MANBAL: variants seen among roughly 807,000 people sequenced by gnomAD.
MANBAL encodes the protein mannosidase beta like.
Under a neutral mutation model 6.4 loss-of-function variants are expected in MANBAL, and 1 was observed. That is an observed-to-expected ratio of 0.16 (90% CI 0.06 to 0.74). The LOEUF is 0.74. Among genes scored for constraint, MANBAL ranks in the 30% least tolerant of loss-of-function variants. The probability of loss-of-function intolerance (pLI) is 0.78; values close to 1 mark genes in which losing one functional copy is unlikely to be tolerated. For missense variants in MANBAL, 100 were observed against 107.8 expected, an observed-to-expected ratio of 0.93 and a Z score of 0.32; for synonymous variants, 47 against 45.8, an observed-to-expected ratio of 1.03 and a Z score of -0.10.
chr20:37,312,826 A>G (rs1056479466), intron 2 of MANBAL, among the ~76,000 whole-genome samples: 8 of 152,200 alleles, frequency 5.3e-5, no homozygotes, highest in Admixed American at 1.3e-4. Context: ...TATTATTGGC[A>G]GCTATGCTTA....
chr20:37,292,023 C>G (rs1033846481), intron 1 of MANBAL, among the ~76,000 whole-genome samples: 1 of 152,200 alleles, frequency 6.6e-6, no homozygotes, highest in South Asian at 2.1e-4. Flanking sequence ...TACATACTAT[C>G]GATATGAGTT....
chr20:37,309,580 G>T (rs111394277), intron 2 of MANBAL, among the ~76,000 whole-genome samples: 1 of 152,150 alleles, frequency 6.6e-6, no homozygotes, highest in African/African-American at 2.4e-5. Context: ...TATGATGCCC[G>T]TGGAGACTTC....
chr20:37,293,595 T>C (rs1409186644), intron 1 of MANBAL, among the ~76,000 whole-genome samples: 1 of 152,120 alleles, frequency 6.6e-6, no homozygotes. Context: ...GGCCTGGGGG[T>C]TGGGGACCTG....
At chr20:37,301,711 C>T (rs934319739) in intron 2 of MANBAL, among the ~76,000 whole-genome samples, 1 of 152,160 alleles carries the variant, frequency 6.6e-6, no homozygotes, top group African/African-American at 2.4e-5. Context: ...AAAAACATAC[C>T]TCCATGTGCT....
chr20:37,311,182 C>T (rs1288200011), intron 2 of MANBAL, among the ~76,000 whole-genome samples: 2 of 152,200 alleles, frequency 1.3e-5, no homozygotes, highest in South Asian at 2.1e-4. Flanking sequence ...ACTAAGTGTG[C>T]GTTCTCATCT....
At chr20:37,312,333 C>G (rs6094268) in intron 2 of MANBAL, among the ~76,000 whole-genome samples, 3 of 152,086 alleles carry the variant, frequency 2.0e-5, no homozygotes, top group African/African-American at 7.2e-5. Flanking sequence ...CCAGAGGCAC[C>G]TTGTGGTTCT....
intron 1 of MANBAL, among the ~76,000 whole-genome samples, chr20:37,296,280 A>G (rs1285227627): frequency 1.3e-5 from 2 of 152,350 alleles, no homozygotes; most frequent in South Asian, 2.1e-4. Context: ...TTGTGAAGGA[A>G]GTAGGTAGGG....
chr20:37,292,042 T>G (rs1391743402), intron 1 of MANBAL, among the ~76,000 whole-genome samples: 1 of 152,260 alleles, frequency 6.6e-6, no homozygotes, highest in African/African-American at 2.4e-5. Context: ...TTATCATTGT[T>G]GACATCTGTT....
At chr20:37,315,607 A>T (rs1395784004) in intron 2 of MANBAL, among the ~76,000 whole-genome samples, 1 of 152,246 alleles carries the variant, frequency 6.6e-6, no homozygotes. Context: ...TGTATGAAAT[A>T]GATTGAAAAT....
Position 37,301,135 on chromosome 20 carries a change from C to CATAA in MANBAL, c.-56-46_-56-43dup, listed in dbSNP as rs200477783. ...TGGGCGACAGAGTGAGACTCCATCTCATAAATAAATAAATAAATAAATAAA... is the reference window on the plus strand; with the variant it reads ...TGGGCGACAGAGTGAGACTCCATCTCATAAATAAATAAATAAATAAATAAATAAA... On this transcript the variant is annotated intron_variant, in intron 1 of 2. Coordinates refer to ENST00000373606, the MANE Select transcript of MANBAL (RefSeq NM_001003897.2). 2,090 of 932,334 alleles carry CATAA rather than the reference C, an allele frequency of 2.2e-3. 7 individuals are homozygous for CATAA. The highest frequency in any genetic ancestry group is 0.013 in the African/African-American group (755 of 58,218). The allele number at this position is 932,334 out of a possible 1,614,324, so 57.8% of individuals were successfully genotyped here.
Position 37,301,403 on chromosome 20 carries a change from C to T in MANBAL, c.140C>T (p.Ser47Phe). Residue 47 changes from serine (S) to phenylalanine (F), a missense_variant, in exon 2 of 3, where the codon TCC (serine) becomes TTC (phenylalanine). Coordinates refer to ENST00000373606, the MANE Select transcript of MANBAL (RefSeq NM_001003897.2). ...GCCATCATCGTACCCATTCCCAAGT[C>T]CCACGAGGCGGTGAGTTTTTCCCTG... ...VLAIIVPIPK[S>F]HEAEAEPSEP... is the part of the protein sequence containing the mutation. 1 of 1,611,668 alleles carries T rather than the reference C, an allele frequency of 6.2e-7. No individual in the cohort carries two copies. The highest frequency in any genetic ancestry group is 1.1e-5 in the South Asian group (1 of 90,776).
At chr20:37,305,640 CAAGT>C (rs1354493172) in intron 2 of MANBAL, among the ~76,000 whole-genome samples, 1 of 151,182 alleles carries the variant, frequency 6.6e-6, no homozygotes, top group Non-Finnish European at 1.5e-5. Context: ...AAGGCTCACA[CAAGT>C]AAATTGTCTT....
rs1252557306 is a variant in MANBAL, at chr20:37,302,186, G to T, written c.150+773G>T. Reference sequence around the variant, plus strand: ...ATTTATTGGAGAAAGCAGGTCGTTTGTCATGTGGGATACCTACATCCCAGG... The same window carrying T: ...ATTTATTGGAGAAAGCAGGTCGTTTTTCATGTGGGATACCTACATCCCAGG... On this transcript the variant is annotated intron_variant, in intron 2 of 2. Transcript: ENST00000373606. 4 of 1,529,482 alleles carry T rather than the reference G, an allele frequency of 2.6e-6. No individual in the cohort carries two copies. In the East Asian group the frequency reaches 7.4e-5, roughly 28 times the overall value. 94.7% of individuals were successfully genotyped at this position (1,529,482 alleles called of 1,614,324 possible).
Position 37,301,194 on chromosome 20 carries a change from T to C in MANBAL, c.-56-14T>C. On this transcript the variant is annotated splice_polypyrimidine_tract_variant and intron_variant, in intron 1 of 2. Coordinates refer to ENST00000373606, the MANE Select transcript of MANBAL (RefSeq NM_001003897.2). Reference sequence around the variant, plus strand: ...AGTTACAGAAATATGACACTGACCCTTTGCATTTACAAGTTGGTTCTAAAG... The same window carrying C: ...AGTTACAGAAATATGACACTGACCCCTTGCATTTACAAGTTGGTTCTAAAG... 1 of 1,379,620 alleles carries C rather than the reference T, an allele frequency of 7.2e-7. No homozygotes were observed. Among genetic ancestry groups the C allele is most frequent in the Non-Finnish European group, 9.6e-7 (1 of 1,043,408 alleles). 85.5% of individuals were successfully genotyped at this position (1,379,620 alleles called of 1,614,324 possible).
chr20:37,313,926 C>G (rs1349059520), intron 2 of MANBAL, among the ~76,000 whole-genome samples: 1 of 152,168 alleles, frequency 6.6e-6, no homozygotes, highest in African/African-American at 2.4e-5. Flanking sequence ...GGGCCTGACT[C>G]AGTGTGAGGG....
At chr20:37,299,129 G>A (rs2069074156) in intron 1 of MANBAL, among the ~76,000 whole-genome samples, 1 of 152,122 alleles carries the variant, frequency 6.6e-6, no homozygotes, top group African/African-American at 2.4e-5. Context: ...CACCCAGGCT[G>A]GAGTGCAGTG....
intron 1 of MANBAL, among the ~76,000 whole-genome samples, chr20:37,294,095 CT>C (rs1287937800): frequency 6.6e-6 from 1 of 152,194 alleles, no homozygotes; most frequent in African/African-American, 2.4e-5. Context: ...CTTCCTATGT[CT>C]TTTTAAAAAT....
chr20:37,292,485 A>G (rs965766848), intron 1 of MANBAL, among the ~76,000 whole-genome samples: 2 of 152,132 alleles, frequency 1.3e-5, no homozygotes, highest in East Asian at 1.9e-4. Flanking sequence ...TATTTTTAGT[A>G]GAGAGAGTTT....
At chr20:37,306,810 G>A (rs780032244) in intron 2 of MANBAL, among the ~76,000 whole-genome samples, 24 of 152,198 alleles carry the variant, frequency 1.6e-4, no homozygotes, top group Non-Finnish European at 3.1e-4. Context: ...TGTTTGCTGT[G>A]AGCTGGGATT....
Sources: gnomAD v4.1 joint callset for allele counts (sites outside exome capture counted in the v4.1 genomes callset) on GRCh38, gnomAD v4.1.1 for gene constraint, MANE v1.5 for transcripts, NCBI Gene and HGNC (gene_info 2026-07-23, HGNC 2026-07-21) for gene names.